The following TFDP2 variants were observed in gnomAD, a reference collection of about 807,000 sequenced individuals.
TFDP2 encodes transcription factor Dp-2, also known as transcription factor Dp-2 (E2F dimerization partner 2).
A neutral mutation model predicts 59.3 loss-of-function variants in TFDP2; 17 were observed. The ratio of observed to expected loss-of-function variants is 0.29; its 90% confidence interval spans 0.20 to 0.43. The LOEUF (loss-of-function observed/expected upper bound fraction) is 0.43, where lower values mean the gene tolerates loss of function less well. Among genes scored for constraint, TFDP2 ranks in the 20% least tolerant of loss-of-function variants. TFDP2 has a pLI of 1.00. For synonymous variants in TFDP2, 180 were observed against 194.7 expected, an observed-to-expected ratio of 0.92 and a Z score of 0.63; for missense variants, 391 against 528.8, an observed-to-expected ratio of 0.74 and a Z score of 2.56.
intron 9 of TFDP2, among the ~76,000 whole-genome samples, chr3:141,968,467 T>C (rs1559937858): frequency 3.1e-5 from 3 of 95,870 alleles, no homozygotes; most frequent in Non-Finnish European, 5.7e-5. Context: ...TATATAGATA[T>C]ATATATAACA....
Position 141,952,664 on chromosome 3 carries a change from A to G in TFDP2, c.1190T>C (p.Val397Ala). The change falls in exon 13 of 13, where the codon GTG becomes GCG. Residue 397 changes from valine (V) to alanine (A), a missense_variant. Val to Ala is a moderately conservative substitution (Grantham distance 64). Transcript: ENST00000489671. ...VNQGLCLDAE[V>A]ALATGQFLAP... is the part of the protein sequence containing the mutation. The stretch of plus-strand genomic sequence containing the variant: ...CAGGAACTGCCCAGTTGCTAAGGCC[A>G]CTTCTGCATCCAAGCATAACCCTTG... 6.2e-7 allele frequency: 1 copy of G among 1,607,760 alleles called. No individual in the cohort carries two copies. The highest frequency in any genetic ancestry group is 8.5e-7 in the Non-Finnish European group (1 of 1,178,518).
At chr3:142,030,224 T>G (rs989772156) in intron 3 of TFDP2, among the ~76,000 whole-genome samples, 1 of 152,174 alleles carries the variant, frequency 6.6e-6, no homozygotes, top group Admixed American at 6.5e-5. Context: ...TTAAACTGGG[T>G]TGTAAACACG....
chr3:142,113,729 G>T (rs1373549741), intron 1 of TFDP2, among the ~76,000 whole-genome samples: 1 of 152,090 alleles, frequency 6.6e-6, no homozygotes, highest in Non-Finnish European at 1.5e-5. Flanking sequence ...GAAGCAATTG[G>T]AGAAGAAAAT....
At chr3:142,002,144 G>A (rs1258468477) in intron 4 of TFDP2, among the ~76,000 whole-genome samples, 6 of 151,688 alleles carry the variant, frequency 4.0e-5, no homozygotes, top group East Asian at 3.9e-4. Context: ...ACAGGCACCC[G>A]CCACCATGTC....
intron 10 of TFDP2, among the ~76,000 whole-genome samples, chr3:141,960,506 C>G (rs1301180263): frequency 6.6e-6 from 1 of 152,180 alleles, no homozygotes; most frequent in Non-Finnish European, 1.5e-5. Context: ...CTTCCGACTC[C>G]TAGGCTAGGC....
chr3:142,134,717 T>C (rs1239458703), intron 1 of TFDP2, among the ~76,000 whole-genome samples: 1 of 152,070 alleles, frequency 6.6e-6, no homozygotes, highest in Non-Finnish European at 1.5e-5. Flanking sequence ...AAGTATTAAA[T>C]AAGTCAGAAG....
chr3:141,989,686 C>G (rs2108150068), intron 6 of TFDP2, among the ~76,000 whole-genome samples: 1 of 152,262 alleles, frequency 6.6e-6, no homozygotes, highest in Non-Finnish European at 1.5e-5. Context: ...CGCAGGTCAA[C>G]TTTAAGCCTG....
intron 1 of TFDP2, among the ~76,000 whole-genome samples, chr3:142,124,704 T>A (rs1459398450): frequency 6.6e-6 from 1 of 152,150 alleles, no homozygotes; most frequent in African/African-American, 2.4e-5. Flanking sequence ...TAAAGACTGA[T>A]ATGACTACAA....
At chr3:142,020,859 C>T (rs1945532694) in intron 3 of TFDP2, among the ~76,000 whole-genome samples, 1 of 151,812 alleles carries the variant, frequency 6.6e-6, no homozygotes, top group Non-Finnish European at 1.5e-5. Flanking sequence ...GTGACACACA[C>T]TTATGGTCCC....
At chr3:141,995,555 T>C (rs1943189090) in intron 4 of TFDP2, among the ~76,000 whole-genome samples, 2 of 152,166 alleles carry the variant, frequency 1.3e-5, no homozygotes, top group South Asian at 4.1e-4. Flanking sequence ...ACTATCCAGC[T>C]TGGATTATTA....
At chr3:142,036,171 T>C (rs1946687594) in intron 3 of TFDP2, among the ~76,000 whole-genome samples, 1 of 152,202 alleles carries the variant, frequency 6.6e-6, no homozygotes, top group East Asian at 1.9e-4. Context: ...CTTTTGATGG[T>C]TCCTCATTAA....
chr3:142,146,358 G>C (rs1215455390), intron 1 of TFDP2, among the ~76,000 whole-genome samples: 1 of 152,046 alleles, frequency 6.6e-6, no homozygotes, highest in Non-Finnish European at 1.5e-5. Flanking sequence ...ACATAGTACT[G>C]GGATGCCACA....
intron 1 of TFDP2, among the ~76,000 whole-genome samples, chr3:142,112,830 T>A (rs191901483): frequency 6.6e-6 from 1 of 152,270 alleles, no homozygotes; most frequent in Non-Finnish European, 1.5e-5. Context: ...CAAAACTGGA[T>A]TGACATGTTC....
intron 8 of TFDP2, among the ~76,000 whole-genome samples, chr3:141,973,114 TATATA>T (rs1237435177): frequency 8.0e-5 from 10 of 124,590 alleles, no homozygotes; most frequent in African/African-American, 3.2e-4. Context: ...TATATATATA[TATATA>T]TATATTTTTT....
chr3:142,117,492 G>A (rs1289720463), intron 1 of TFDP2, among the ~76,000 whole-genome samples: 1 of 151,844 alleles, frequency 6.6e-6, no homozygotes, highest in Non-Finnish European at 1.5e-5. Context: ...GGATGTATAG[G>A]GAGAGTGAAG....
At chr3:142,043,742 G>A (rs1363355514) in intron 3 of TFDP2, 2 of 1,477,366 alleles carry the variant, frequency 1.4e-6, no homozygotes, top group Non-Finnish European at 1.9e-6. Flanking sequence ...GCCTCAGCCT[G>A]GTCAGCCAGG....
At chr3:141,977,104 A>AT (rs1311720136) in intron 7 of TFDP2, among the ~76,000 whole-genome samples, 22 of 90,900 alleles carry the variant, frequency 2.4e-4, no homozygotes, top group South Asian at 6.5e-4. Context: ...ATATATATAT[A>AT]TATTTTTTTT....
At position 142,119,350 on chromosome 3, in the gene TFDP2, A is replaced by T. The variant is rs538382174; in HGVS notation, c.-92-17509T>A. Among the ~76,000 whole-genome samples, 146 of 152,330 alleles carry T rather than the reference A, an allele frequency of 9.6e-4. 3 individuals carry two copies. The South Asian group carries it at 0.03, about 31-fold the overall frequency. On this transcript the variant is annotated intron_variant, in intron 1 of 12. Transcript: ENST00000489671. The stretch of plus-strand genomic sequence containing the variant: ...AAAAAGATAAATTATTTACAAAAGC[A>T]AAGGAATTAGACTAACATTGTATTT...
rs1164612886 is a variant in TFDP2 at position 141,946,012 on chromosome 3, G to C, written c.*6501C>G. 1.3e-5 allele frequency: 2 copies of C among 152,214 alleles called. No homozygotes were observed. The highest frequency in any genetic ancestry group is 2.4e-5 in the African/African-American group (1 of 41,426). 9.4% of individuals were successfully genotyped at this position (152,214 alleles called of 1,614,324 possible). A position where few individuals can be genotyped will look rare whatever the true frequency, so the allele number is the denominator to read the frequency against. On this transcript the variant is annotated 3_prime_UTR_variant, in exon 13 of 13. Transcript: ENST00000489671. ...AACCTGACACCACAGCCTCATGCTG[G>C]GGCTCGGGAAAGGAGTCCCACTTCT... is the stretch of plus-strand genomic sequence containing the variant.
Sources: gnomAD v4.1 joint callset for allele counts (sites outside exome capture counted in the v4.1 genomes callset) on GRCh38, gnomAD v4.1.1 for gene constraint, MANE v1.5 for transcripts, NCBI Gene and HGNC (gene_info 2026-07-23, HGNC 2026-07-21) for gene names.